The following PEPD variants were observed in gnomAD, a reference collection of about 807,000 sequenced individuals.
The protein encoded by PEPD is peptidase D, also known as xaa-Pro dipeptidase.
In PEPD, 53 loss-of-function variants were observed where a neutral mutation model predicts 60.7. The ratio of observed to expected loss-of-function variants is 0.87; its 90% CI spans 0.70 to 1.10. The LOEUF (loss-of-function observed/expected upper bound fraction) is 1.10, where lower values mean the gene tolerates loss of function less well. PEPD is among the 50% of genes least tolerant of loss of function. PEPD has a pLI of 0.00. For synonymous variants in PEPD, 267 were observed against 284.1 expected, an observed-to-expected ratio of 0.94 and a Z score of 0.60; for missense variants, 711 against 711.9, an observed-to-expected ratio of 1.00 and a Z score of 0.01.
chr19:33,471,074 G>A (rs923717389), intron 7 of PEPD, among the ~76,000 whole-genome samples: 11 of 152,100 alleles, frequency 7.2e-5, no homozygotes, highest in African/African-American at 1.2e-4. Flanking sequence ...CTCTGCCATC[G>A]AGGCCCAGGG....
At chr19:33,447,329 C>G (rs954557311) in intron 9 of PEPD, among the ~76,000 whole-genome samples, 10 of 152,188 alleles carry the variant, frequency 6.6e-5, no homozygotes, top group African/African-American at 2.4e-4. Flanking sequence ...TGGGGCTCTG[C>G]CTCCACAAAA....
At chr19:33,404,922 G>A (rs568299629) in intron 11 of PEPD, among the ~76,000 whole-genome samples, 38 of 152,252 alleles carry the variant, frequency 2.5e-4, no homozygotes, top group African/African-American at 8.7e-4. Flanking sequence ...TCTCCCTCCC[G>A]CTCCTCTGCG....
At chr19:33,466,773 ATAAAAAT>A in intron 7 of PEPD, among the ~76,000 whole-genome samples, 1 of 120,102 alleles carries the variant, frequency 8.3e-6, no homozygotes, top group Non-Finnish European at 2.1e-5. Flanking sequence ...AAAAAAAGAA[ATAAAAAT>A]TTTTTTCTAA....
At chr19:33,431,506 G>A (rs761509834) in intron 9 of PEPD, among the ~76,000 whole-genome samples, 1 of 152,128 alleles carries the variant, frequency 6.6e-6, no homozygotes, top group Non-Finnish European at 1.5e-5. Context: ...TTCCACTCTC[G>A]ATGTTTCCTT....
intron 9 of PEPD, among the ~76,000 whole-genome samples, chr19:33,427,463 G>A (rs1433529335): frequency 1.3e-5 from 2 of 152,210 alleles, no homozygotes; most frequent in Non-Finnish European, 2.9e-5. Context: ...TGGGAGGGGC[G>A]ATTTAAGAAC....
intron 11 of PEPD, among the ~76,000 whole-genome samples, chr19:33,403,309 GA>G (rs1399419344): frequency 6.6e-6 from 1 of 152,200 alleles, no homozygotes; most frequent in Non-Finnish European, 1.5e-5. Flanking sequence ...CTAGCCCTAG[GA>G]CCAGAGCCCA....
At chr19:33,414,658 C>G (rs1029897895) in intron 9 of PEPD, among the ~76,000 whole-genome samples, 1 of 151,802 alleles carries the variant, frequency 6.6e-6, no homozygotes, top group African/African-American at 2.4e-5. Context: ...TCCTGCCCTG[C>G]ACGTTCCAGG....
At chr19:33,430,643 T>C (rs1258075316) in intron 9 of PEPD, among the ~76,000 whole-genome samples, 1 of 152,248 alleles carries the variant, frequency 6.6e-6, no homozygotes, top group Non-Finnish European at 1.5e-5. Context: ...GGCATATGTA[T>C]CTTTTTATCA....
At chr19:33,400,196 G>T (rs1968457248) in intron 12 of PEPD, among the ~76,000 whole-genome samples, 2 of 152,174 alleles carry the variant, frequency 1.3e-5, no homozygotes, top group Admixed American at 6.5e-5. Flanking sequence ...GGGCAAGCTG[G>T]GGGGGCTGGA....
chr19:33,463,264 G>T (rs951164235), intron 8 of PEPD, among the ~76,000 whole-genome samples: 14 of 152,200 alleles, frequency 9.2e-5, no homozygotes, highest in African/African-American at 1.7e-4. Context: ...CCATTTGGAA[G>T]CCGATAAATG....
chr19:33,472,626 G>A (rs993540396), intron 7 of PEPD, among the ~76,000 whole-genome samples: 2 of 152,274 alleles, frequency 1.3e-5, no homozygotes, highest in East Asian at 3.9e-4. Flanking sequence ...CACTGCCTCT[G>A]AGCATTAAAC....
At chr19:33,465,926 C>T (rs1248694930) in intron 7 of PEPD, among the ~76,000 whole-genome samples, 1 of 152,084 alleles carries the variant, frequency 6.6e-6, no homozygotes, top group Non-Finnish European at 1.5e-5. Flanking sequence ...TAAGGATGTA[C>T]TCCAGCAGAG....
chr19:33,409,492 A>G (rs1364594221), intron 11 of PEPD, among the ~76,000 whole-genome samples: 2 of 152,222 alleles, frequency 1.3e-5, no homozygotes, highest in African/African-American at 2.4e-5. Context: ...CAACATGGTG[A>G]GACCCTGTCT....
chr19:33,519,260 C>T (rs776497100), intron 1 of PEPD, among the ~76,000 whole-genome samples: 4 of 152,212 alleles, frequency 2.6e-5, no homozygotes, highest in East Asian at 3.9e-4. Context: ...CACCCCACAT[C>T]TTAAAAAGAG....
At chr19:33,454,928 TGTCTCGCTGAAA>T (rs1006209446) in intron 9 of PEPD, among the ~76,000 whole-genome samples, 1 of 152,212 alleles carries the variant, frequency 6.6e-6, no homozygotes, top group Non-Finnish European at 1.5e-5. Context: ...TCATAACTCC[TGTCTCGCTGAAA>T]GAAAAACTAA....
At chr19:33,391,530 C>A in intron 12 of PEPD, 51 bp from the exon 13 acceptor site, 1 of 1,481,962 alleles carries the variant, frequency 6.7e-7, no homozygotes. Context: ...CAGCCAACAC[C>A]GCAGGGCCAG....
At chr19:33,428,593 C>A (rs1969202480) in intron 9 of PEPD, among the ~76,000 whole-genome samples, 1 of 152,214 alleles carries the variant, frequency 6.6e-6, no homozygotes, top group African/African-American at 2.4e-5. Context: ...CAGGCTGACG[C>A]CCCTCTCCAG....
At chr19:33,395,214 C>G (rs938428021) in intron 12 of PEPD, 42 of 152,498 alleles carry the variant, frequency 2.8e-4, no homozygotes, top group African/African-American at 1.0e-3. Flanking sequence ...CCAGGAAGCC[C>G]TCTCTGATTA....
At position 33,397,698 on chromosome 19, in the gene PEPD, TG is replaced by T. The variant is rs534149739; in HGVS notation, c.967+4022del. Among the ~76,000 whole-genome samples the T allele has an allele frequency of 3.8e-3, 485 of 129,142 alleles. 11 individuals are homozygous for T. The highest frequency in any genetic ancestry group is 0.032 in the Admixed American group (428 of 13,314). 84.7% of individuals were successfully genotyped at this position (129,142 alleles called of 152,430 possible). A position where few individuals can be genotyped will look rare whatever the true frequency, so the allele number is the denominator to read the frequency against. On this transcript the variant is annotated intron_variant, in intron 12 of 14. Transcript: ENST00000244137. ...CTGGGCAGCAAAGCCCAGTGGTGGG[TG>T]GGAGCGGGGCTGGGGGAGGACCTGC...
Sources: allele counts gnomAD v4.1 joint callset (sites outside exome capture counted in the v4.1 genomes callset), GRCh38; gene constraint gnomAD v4.1.1; transcripts MANE v1.5; gene names NCBI Gene and HGNC (gene_info 2026-07-23, HGNC 2026-07-21).